IDE: variants seen among roughly 807,000 people sequenced by gnomAD.
The protein encoded by IDE is insulin-degrading enzyme.
IDE carries 58 observed loss-of-function variants against 133.2 expected under a neutral mutation model. The observed-to-expected ratio is 0.44, with a 90% CI of 0.35 to 0.54. The LOEUF (loss-of-function observed/expected upper bound fraction) is 0.54, where lower values mean the gene tolerates loss of function less well. Among genes scored for constraint, IDE ranks in the 20% least tolerant of loss-of-function variants. The pLI is 0.00. For missense variants in IDE, 981 were observed against 1,234.0 expected (o/e 0.79, Z 3.07); for synonymous variants, 396 against 421.3 (o/e 0.94, Z 0.73).
intron 13 of IDE, among the ~76,000 whole-genome samples, chr10:92,483,915 A>T (rs1846777726): frequency 6.6e-6 from 1 of 152,188 alleles, no homozygotes. Flanking sequence ...CTGCCATGTC[A>T]AGCAACTCTA....
At chr10:92,503,838 C>T (rs1357578191) in intron 11 of IDE, among the ~76,000 whole-genome samples, 1 of 151,748 alleles carries the variant, frequency 6.6e-6, no homozygotes, top group East Asian at 1.9e-4. Context: ...CCTGTTGCAG[C>T]CTCCCGAGTA....
chr10:92,522,772 A>G (rs576458332), intron 4 of IDE, among the ~76,000 whole-genome samples: 1 of 152,344 alleles, frequency 6.6e-6, no homozygotes, highest in African/African-American at 2.4e-5. Flanking sequence ...CTCATGTAAG[A>G]TGGAAATATG....
chr10:92,527,549 T>C (rs1849693126), intron 4 of IDE, among the ~76,000 whole-genome samples: 2 of 152,336 alleles, frequency 1.3e-5, no homozygotes, highest in East Asian at 1.9e-4. Context: ...TTATGTTATA[T>C]AGAGTTTAAC....
intron 17 of IDE, among the ~76,000 whole-genome samples, chr10:92,471,546 T>C (rs897091161): frequency 8.5e-5 from 13 of 152,218 alleles, no homozygotes; most frequent in Non-Finnish European, 1.9e-4. Flanking sequence ...TCCACTGTAC[T>C]GCCTTAGGGG....
intron 11 of IDE, among the ~76,000 whole-genome samples, chr10:92,495,873 T>G (rs898849414): frequency 6.6e-6 from 1 of 151,576 alleles, no homozygotes; most frequent in Non-Finnish European, 1.5e-5. Flanking sequence ...TAAAAACCAT[T>G]TTTTAAGTGT....
At chr10:92,515,864 A>G (rs1298986018) in intron 4 of IDE, among the ~76,000 whole-genome samples, 1 of 147,954 alleles carries the variant, frequency 6.8e-6, no homozygotes. Context: ...CCGGCCTAAA[A>G]GTGTCTTATA....
chr10:92,571,170 C>A (rs1412212392), intron 1 of IDE, among the ~76,000 whole-genome samples: 2 of 151,768 alleles, frequency 1.3e-5, no homozygotes, highest in Non-Finnish European at 2.9e-5. Context: ...CACCACCACG[C>A]CCGGCTAATT....
At chr10:92,565,173 G>A (rs570761421) in intron 1 of IDE, among the ~76,000 whole-genome samples, 59 of 151,396 alleles carry the variant, frequency 3.9e-4, no homozygotes, top group Admixed American at 1.6e-3. Flanking sequence ...GAACCCAGGA[G>A]GCGGAGGCTG....
chr10:92,552,363 G>C (rs572923674), intron 1 of IDE, among the ~76,000 whole-genome samples: 1 of 152,268 alleles, frequency 6.6e-6, no homozygotes, highest in Admixed American at 6.5e-5. Flanking sequence ...AATAAGAAAT[G>C]GGAGAAGGCT....
At position 92,483,262 on chromosome 10, in the gene IDE, A is replaced by G. The variant is rs765421032; in HGVS notation, c.1732T>C (p.Phe578Leu). ...FLPKACLNFE[F>L]FSPFAYVDPL... ...TAGATTCATCTTACATACCTGAAAA[A>G]TTCAAAGTTGAGACAAGCCTTCGGC... is the stretch of plus-strand genomic sequence containing the variant. The change falls in exon 14 of 25, where the codon TTT (phenylalanine) becomes CTT (leucine). Residue 578 changes from phenylalanine (F) to leucine (L), a missense_variant. This residue lies in a region of IDE where 660 missense variants were observed against 894.7 expected (regional missense o/e 0.74). Transcript: ENST00000265986. 6.3e-7 allele frequency: 1 copy of G among 1,577,102 alleles called. No individual in the cohort carries two copies. The highest frequency in any genetic ancestry group is 8.7e-7 in the Non-Finnish European group (1 of 1,146,480).
chr10:92,466,041 T>C (rs915261879), intron 19 of IDE, among the ~76,000 whole-genome samples, 198 bp from the exon 20 acceptor site: 1 of 152,004 alleles, frequency 6.6e-6, no homozygotes, highest in Non-Finnish European at 1.5e-5. Flanking sequence ...AACTTACTAA[T>C]TATAAATTGG....
intron 11 of IDE, among the ~76,000 whole-genome samples, chr10:92,499,681 T>G (rs1472045479): frequency 1.3e-5 from 2 of 152,184 alleles, no homozygotes; most frequent in East Asian, 3.9e-4. Flanking sequence ...ATCCTCCCTC[T>G]ATGCCTCCCA....
At chr10:92,558,878 A>G (rs1843137897) in intron 1 of IDE, 1 of 151,990 alleles carries the variant, frequency 6.6e-6, no homozygotes, top group Non-Finnish European at 1.5e-5. Flanking sequence ...TACAGGCATG[A>G]GCCAACACGC....
intron 1 of IDE, among the ~76,000 whole-genome samples, chr10:92,557,008 G>C (rs1017450316): frequency 4.0e-5 from 6 of 151,806 alleles, no homozygotes; most frequent in Admixed American, 6.6e-5. Flanking sequence ...CCATGTTCAT[G>C]GATGGGAAGA....
At chr10:92,494,092 CT>C (rs1291109977) in intron 11 of IDE, among the ~76,000 whole-genome samples, 1 of 151,930 alleles carries the variant, frequency 6.6e-6, no homozygotes, top group African/African-American at 2.4e-5. Flanking sequence ...ATAAGGTTTC[CT>C]TTTTTCGAGA....
intron 21 of IDE, among the ~76,000 whole-genome samples, chr10:92,461,611 C>T (rs1454417167): frequency 6.6e-6 from 1 of 152,168 alleles, no homozygotes; most frequent in African/African-American, 2.4e-5. Context: ...CCACCTCAGC[C>T]TCCCAAAGTG....
chr10:92,466,485 T>G (rs867898525), intron 19 of IDE, among the ~76,000 whole-genome samples: 10 of 151,776 alleles, frequency 6.6e-5, no homozygotes, highest in Non-Finnish European at 5.9e-5. Flanking sequence ...CCTGGCTAAT[T>G]TTTCTATTTT....
chr10:92,517,553 A>G (rs771135170), intron 4 of IDE, among the ~76,000 whole-genome samples: 7 of 152,230 alleles, frequency 4.6e-5, no homozygotes, highest in Non-Finnish European at 8.8e-5. Flanking sequence ...GACCACAAGC[A>G]TTTACCATCA....
In IDE at chr10:92,452,198, T is replaced by A. The variant is rs763685080; in HGVS notation, c.*2246A>T. The stretch of plus-strand genomic sequence containing the variant: ...GAGGTAGGCTGAGGACTGGCCACTG[T>A]ACTATTTCACTAAAACTGGAAAAAT... On this transcript the variant is annotated 3_prime_UTR_variant, in exon 25 of 25. Coordinates refer to ENST00000265986, the MANE Select transcript of IDE (RefSeq NM_004969.4). 3 of 152,220 alleles carry A rather than the reference T, an allele frequency of 2.0e-5. No individual in the cohort carries two copies. The highest frequency in any genetic ancestry group is 4.4e-5 in the Non-Finnish European group (3 of 68,044). 9.4% of individuals were successfully genotyped at this position (152,220 alleles called of 1,614,324 possible). A position where few individuals can be genotyped will look rare whatever the true frequency, so the allele number is the denominator to read the frequency against.
Sources: allele counts gnomAD v4.1 joint callset (sites outside exome capture counted in the v4.1 genomes callset), GRCh38; gene constraint gnomAD v4.1.1; regional missense constraint gnomAD v4.1.1; transcripts MANE v1.5; gene names NCBI Gene and HGNC (gene_info 2026-07-23, HGNC 2026-07-21).